Variants in RALYL observed in about 807,000 individuals in gnomAD.
RALYL encodes RNA-binding Raly-like protein.
A neutral mutation model predicts 35.1 loss-of-function variants in RALYL; 29 were observed. The ratio of observed to expected loss-of-function variants is 0.83; its 90% CI spans 0.61 to 1.13. The LOEUF is 1.13. RALYL is among the 50% of genes most tolerant of loss of function. The probability of loss-of-function intolerance (pLI) is 0.00; values close to 1 mark genes in which losing one functional copy is unlikely to be tolerated. For synonymous variants in RALYL, 120 were observed against 127.6 expected (o/e 0.94, Z 0.40); for missense variants, 359 against 360.4 (o/e 1.00, Z 0.03).
intron 1 of RALYL, among the ~76,000 whole-genome samples, chr8:84,312,200 A>T (rs947677062): frequency 1.3e-5 from 2 of 152,182 alleles, no homozygotes; most frequent in African/African-American, 2.4e-5. Flanking sequence ...CACTATCAAG[A>T]GAACAGCATA....
chr8:84,734,367 A>G (rs1846834140), intron 2 of RALYL, among the ~76,000 whole-genome samples: 1 of 152,194 alleles, frequency 6.6e-6, no homozygotes, highest in Admixed American at 6.6e-5. Flanking sequence ...ATTAGCCATA[A>G]GAGAATATTT....
intron 1 of RALYL, among the ~76,000 whole-genome samples, chr8:84,318,932 T>C (rs566870819): frequency 2.0e-5 from 3 of 152,216 alleles, no homozygotes; most frequent in Non-Finnish European, 2.9e-5. Flanking sequence ...TTGTGGAGAA[T>C]AGAATGGCCT....
At chr8:84,424,754 G>T (rs1587088811) in intron 1 of RALYL, among the ~76,000 whole-genome samples, 1 of 152,130 alleles carries the variant, frequency 6.6e-6, no homozygotes, top group Admixed American at 6.5e-5. Context: ...CTGTTTGTTA[G>T]TTTTCCTTGT....
chr8:84,707,858 G>A (rs541035104), intron 2 of RALYL, among the ~76,000 whole-genome samples: 7 of 152,164 alleles, frequency 4.6e-5, no homozygotes, highest in East Asian at 3.9e-4. Context: ...ATTCCAATGC[G>A]TAAACAGAAA....
At chr8:84,399,156 A>G (rs577156898) in intron 1 of RALYL, among the ~76,000 whole-genome samples, 1 of 152,150 alleles carries the variant, frequency 6.6e-6, no homozygotes, top group Non-Finnish European at 1.5e-5. Flanking sequence ...CTGCTCTAAC[A>G]CAATATCACA....
At chr8:84,240,018 C>A (rs1827522318) in intron 1 of RALYL, among the ~76,000 whole-genome samples, 1 of 152,096 alleles carries the variant, frequency 6.6e-6, no homozygotes. Flanking sequence ...AAGTGACAGA[C>A]CAACAATAGA....
At chr8:84,548,460 T>A (rs1350790870) in intron 2 of RALYL, among the ~76,000 whole-genome samples, 2 of 152,194 alleles carry the variant, frequency 1.3e-5, no homozygotes, top group Admixed American at 1.3e-4. Flanking sequence ...TTATGTGTTA[T>A]AATTTTGTTT....
intron 1 of RALYL, among the ~76,000 whole-genome samples, chr8:84,236,796 G>C (rs1370762896): frequency 2.0e-5 from 3 of 152,070 alleles, no homozygotes; most frequent in East Asian, 1.9e-4. Context: ...AAAGGAAAAA[G>C]CTGGAAACCA....
intron 8 of RALYL, among the ~76,000 whole-genome samples, chr8:84,911,072 T>G (rs937590871): frequency 5.9e-5 from 9 of 152,086 alleles, no homozygotes; most frequent in Non-Finnish European, 1.3e-4. Flanking sequence ...TTGAAAAATT[T>G]AGCCAAAAAG....
chr8:84,663,740 G>A (rs1438294603), intron 2 of RALYL, among the ~76,000 whole-genome samples: 1 of 151,968 alleles, frequency 6.6e-6, no homozygotes, highest in East Asian at 1.9e-4. Flanking sequence ...TGGGTAGATT[G>A]CAAAAATGGT....
chr8:84,195,987 G>C (rs1815175229), intron 1 of RALYL, among the ~76,000 whole-genome samples: 1 of 152,112 alleles, frequency 6.6e-6, no homozygotes, highest in African/African-American at 2.4e-5. Flanking sequence ...AATATATTGA[G>C]ATTACTCAAA....
intron 1 of RALYL, among the ~76,000 whole-genome samples, chr8:84,274,265 T>C (rs1834908807): frequency 6.6e-6 from 1 of 152,192 alleles, no homozygotes; most frequent in Admixed American, 6.5e-5. Context: ...TTTACTTTCA[T>C]CCCTTAATAT....
chr8:84,664,524 C>T (rs774873149), intron 2 of RALYL, among the ~76,000 whole-genome samples: 7 of 151,762 alleles, frequency 4.6e-5, no homozygotes, highest in African/African-American at 9.7e-5. Flanking sequence ...TTGTGGTTCT[C>T]CTTGTAGAGA....
At chr8:84,476,573 G>T (rs1250185256) in intron 1 of RALYL, among the ~76,000 whole-genome samples, 1 of 152,112 alleles carries the variant, frequency 6.6e-6, no homozygotes, top group Non-Finnish European at 1.5e-5. Flanking sequence ...TATTCCTACT[G>T]ATACCTGAAG....
At chr8:84,507,684 A>G (rs1420402366) in intron 1 of RALYL, among the ~76,000 whole-genome samples, 1 of 152,200 alleles carries the variant, frequency 6.6e-6, no homozygotes. Flanking sequence ...CTCCAAAGGC[A>G]GAGCACATGT....
chr8:84,789,659 A>C (rs1586274897), intron 3 of RALYL, among the ~76,000 whole-genome samples: 1 of 152,284 alleles, frequency 6.6e-6, no homozygotes, highest in East Asian at 1.9e-4. Context: ...GGAGTTCGAG[A>C]CCAGCTTGGG....
At chr8:84,681,705 G>T (rs186824640) in intron 2 of RALYL, among the ~76,000 whole-genome samples, 1 of 152,320 alleles carries the variant, frequency 6.6e-6, no homozygotes, top group Admixed American at 6.5e-5. Context: ...CTAACTGTTT[G>T]CCGCAGTTGC....
At chr8:84,527,081 G>A (rs900422596) in intron 1 of RALYL, among the ~76,000 whole-genome samples, 2 of 152,156 alleles carry the variant, frequency 1.3e-5, no homozygotes, top group African/African-American at 2.4e-5. Flanking sequence ...ATGTTGAAAT[G>A]ACAGAATACA....
At chr8:84,697,658 G>T (rs28549214) in intron 2 of RALYL, among the ~76,000 whole-genome samples, 29,486 of 151,838 alleles carry the variant, frequency 0.19, 3,107 homozygotes, top group Non-Finnish European at 0.23. Context: ...GTGTCATGGG[G>T]GTTTGCTGTA....
Sources: gnomAD v4.1 joint callset for allele counts (sites outside exome capture counted in the v4.1 genomes callset) on GRCh38, gnomAD v4.1.1 for gene constraint, MANE v1.5 for transcripts, NCBI Gene and HGNC (gene_info 2026-07-23, HGNC 2026-07-21) for gene names.